Variants in RNF175 observed in about 807,000 individuals in gnomAD.
RNF175 encodes the protein ring finger protein 175.
RNF175 carries 38 observed loss-of-function variants against 50.0 expected under a neutral mutation model. The observed-to-expected ratio is 0.76, with a 90% confidence interval of 0.59 to 1.00. RNF175 has a LOEUF of 1.00. Among genes scored for constraint, RNF175 ranks in the 50% least tolerant of loss-of-function variants. The pLI, the probability that RNF175 is intolerant of heterozygous loss-of-function variation, is 0.00. For synonymous variants in RNF175, 155 were observed against 146.1 expected (o/e 1.06, Z -0.44); for missense variants, 388 against 409.6 (o/e 0.95, Z 0.46).
chr4:153,752,978 A>T (rs925222327), intron 1 of RNF175, among the ~76,000 whole-genome samples: 2 of 152,102 alleles, frequency 1.3e-5, no homozygotes, highest in Non-Finnish European at 2.9e-5. Flanking sequence ...CACGGTAAAT[A>T]AAAAAAGTGC....
intron 3 of RNF175, among the ~76,000 whole-genome samples, chr4:153,742,719 AATAATT>A (rs1739737986): frequency 6.6e-6 from 1 of 152,092 alleles, no homozygotes. Context: ...GGGGATAAAA[AATAATT>A]ACCTCTCAAG....
chr4:153,755,391 A>G (rs980546392), intron 1 of RNF175, among the ~76,000 whole-genome samples: 3 of 152,262 alleles, frequency 2.0e-5, no homozygotes, highest in African/African-American at 7.2e-5. Flanking sequence ...CTCAGACACA[A>G]GTGAACAGTC....
At chr4:153,723,990 C>T (rs1738512485) in intron 4 of RNF175, among the ~76,000 whole-genome samples, 1 of 152,168 alleles carries the variant, frequency 6.6e-6, no homozygotes, top group Non-Finnish European at 1.5e-5. Flanking sequence ...TCCCCTCCAC[C>T]CAAAGAGCCC....
intron 4 of RNF175, among the ~76,000 whole-genome samples, chr4:153,724,054 G>A (rs1738516408): frequency 6.6e-6 from 1 of 152,162 alleles, no homozygotes; most frequent in Admixed American, 6.5e-5. Context: ...TCCTTCTGCT[G>A]TGTGGAAGGG....
At chr4:153,739,249 C>T (rs1336327824) in intron 3 of RNF175, among the ~76,000 whole-genome samples, 1 of 151,960 alleles carries the variant, frequency 6.6e-6, no homozygotes, top group Non-Finnish European at 1.5e-5. Context: ...GGTGAAACCT[C>T]GTCTCTACTA....
At chr4:153,733,523 T>C (rs1389512757) in intron 3 of RNF175, among the ~76,000 whole-genome samples, 4 of 152,180 alleles carry the variant, frequency 2.6e-5, no homozygotes, top group African/African-American at 7.2e-5. Context: ...GGGGAACAAT[T>C]TTATCAAGTG....
intron 3 of RNF175, among the ~76,000 whole-genome samples, chr4:153,741,771 CA>C (rs1739671594): frequency 6.6e-6 from 1 of 152,128 alleles, no homozygotes; most frequent in South Asian, 2.1e-4. Flanking sequence ...TATTAGGAAA[CA>C]AAGGCTCCTT....
chr4:153,731,393 G>A (rs941471665), intron 3 of RNF175, among the ~76,000 whole-genome samples: 2 of 152,164 alleles, frequency 1.3e-5, no homozygotes, highest in African/African-American at 4.8e-5. Flanking sequence ...GGGCATGTGT[G>A]TATAAAACAC....
At chr4:153,749,355 G>A (rs1740165915) in intron 2 of RNF175, among the ~76,000 whole-genome samples, 1 of 152,214 alleles carries the variant, frequency 6.6e-6, no homozygotes, top group Admixed American at 6.5e-5. Flanking sequence ...GTCAAAAACA[G>A]TCAAACGTTG....
At chr4:153,725,815 T>C (rs757669931) in intron 4 of RNF175, among the ~76,000 whole-genome samples, 10 of 152,252 alleles carry the variant, frequency 6.6e-5, no homozygotes, top group Non-Finnish European at 1.3e-4. Flanking sequence ...ATGCTCAATA[T>C]GTCATATCAC....
chr4:153,748,924 T>C (rs1740143669), intron 2 of RNF175, 138 bp from the exon 3 acceptor site: 1 of 733,448 alleles, frequency 1.4e-6, no homozygotes, highest in East Asian at 2.9e-5. Flanking sequence ...AATATAAGGG[T>C]TGGTAAGCTT....
intron 4 of RNF175, among the ~76,000 whole-genome samples, chr4:153,723,674 C>T (rs1411473137): frequency 6.6e-6 from 1 of 152,046 alleles, no homozygotes; most frequent in Non-Finnish European, 1.5e-5. Context: ...TGTGTATATG[C>T]GTATGTGAAT....
rs1740748056 is a variant in RNF175 at position 153,759,895 on chromosome 4, C to T, written c.-33G>A. On this transcript the variant is annotated 5_prime_UTR_variant, in exon 1 of 9. Transcript: ENST00000347063. Reference sequence around the variant, plus strand: ...CCACTGTGCCTTCTCCAGGGCACAGCGCCTGCCGGGGAGGGTCCCGCAGAG... The same window carrying T: ...CCACTGTGCCTTCTCCAGGGCACAGTGCCTGCCGGGGAGGGTCCCGCAGAG... 5 of 1,317,890 alleles carry T rather than the reference C, an allele frequency of 3.8e-6. No individual in the cohort carries two copies. The highest frequency in any genetic ancestry group is 1.5e-5 in the African/African-American group (1 of 64,540). 81.6% of individuals were successfully genotyped at this position (1,317,890 alleles called of 1,614,324 possible).
intron 4 of RNF175, among the ~76,000 whole-genome samples, chr4:153,725,477 T>C (rs1738643901): frequency 6.6e-6 from 1 of 152,348 alleles, no homozygotes; most frequent in South Asian, 2.1e-4. Context: ...CCCATTTCCC[T>C]GCCTTAAGGG....
At chr4:153,725,928 T>G (rs1738669329) in intron 4 of RNF175, among the ~76,000 whole-genome samples, 1 of 152,156 alleles carries the variant, frequency 6.6e-6, no homozygotes, top group Middle Eastern at 3.2e-3. Flanking sequence ...AGTCCAGAAT[T>G]TCCTTGCTAC....
In RNF175 at chr4:153,728,267, A is replaced by G. The variant is rs1275061623; in HGVS notation, c.341T>C (p.Val114Ala). ...RFLSMWGMFSVITSYILFRAT... is the reference protein window; with the variant it reads ...RFLSMWGMFSAITSYILFRAT... Reference sequence around the variant, plus strand: ...TCTGAAGAGGATGTAACTGGTAATAACGGAGAACATCCCCCACATAGACAG... The same window carrying G: ...TCTGAAGAGGATGTAACTGGTAATAGCGGAGAACATCCCCCACATAGACAG... The change falls in exon 4 of 9, where the codon GTT (valine) becomes GCT (alanine). Residue 114 changes from valine (V) to alanine (A), a missense_variant. Coordinates refer to ENST00000347063, the MANE Select transcript of RNF175 (RefSeq NM_173662.4). 1 of 1,613,694 alleles carries G rather than the reference A, an allele frequency of 6.2e-7. No homozygotes were observed. The highest frequency in any genetic ancestry group is 2.2e-5 in the East Asian group (1 of 44,902).
chr4:153,715,060 G>C (rs1016606249), intron 7 of RNF175: 5 of 182,014 alleles, frequency 2.7e-5, no homozygotes, highest in African/African-American at 1.2e-4. Flanking sequence ...CCACAGGTAG[G>C]TTCCTAGGAT....
In RNF175 at chr4:153,759,833, T is replaced by G; in HGVS notation, c.30A>C (p.Ala10=). Residue 10 remains alanine (A), a synonymous_variant, in exon 1 of 9, where the codon GCA becomes GCC. Transcript: ENST00000347063. ...GCGGGGGGGCCTCCAGCACCGGCGCTGCCTTCCGCGCCGCCGTCCCCGCGG... is the reference window on the plus strand; with the variant it reads ...GCGGGGGGGCCTCCAGCACCGGCGCGGCCTTCCGCGCCGCCGTCCCCGCGG... MAAGTAARK[A]APVLEAPPQQ... is the part of the protein sequence containing the mutation. The G allele has an allele frequency of 6.8e-7, 1 of 1,467,060 alleles. No homozygotes were observed. The highest frequency in any genetic ancestry group is 9.0e-7 in the Non-Finnish European group (1 of 1,117,022). The allele number at this position is 1,467,060 out of a possible 1,614,324, so 90.9% of individuals were successfully genotyped here. A position where few individuals can be genotyped will look rare whatever the true frequency, so the allele number is the denominator to read the frequency against.
At position 153,750,949 on chromosome 4, in the gene RNF175, C is replaced by T. The variant is rs1740263610; in HGVS notation, c.104+489G>A. Among the ~76,000 whole-genome samples the T allele has an allele frequency of 3.1e-5, 4 of 130,020 alleles. No homozygotes were observed. The South Asian group carries it at 7.2e-4, about 24-fold the overall frequency. 85.3% of individuals were successfully genotyped at this position (130,020 alleles called of 152,430 possible). ...AAAAATGCATCTCAAATTGGTTAGC[C>T]TATGTTGAAGTACTTTGAAAAGTAT... is the stretch of plus-strand genomic sequence containing the variant. On this transcript the variant is annotated intron_variant, in intron 2 of 8. Coordinates refer to ENST00000347063, the MANE Select transcript of RNF175 (RefSeq NM_173662.4).
Sources: allele counts gnomAD v4.1 joint callset (sites outside exome capture counted in the v4.1 genomes callset), GRCh38; gene constraint gnomAD v4.1.1; transcripts MANE v1.5; gene names NCBI Gene and HGNC (gene_info 2026-07-23, HGNC 2026-07-21).